Variants in PPP1R12B observed in about 807,000 individuals in gnomAD.
The protein encoded by PPP1R12B is myosin phosphatase target subunit 2.
A neutral mutation model predicts 126.1 loss-of-function variants in PPP1R12B; 76 were observed. The ratio of observed to expected loss-of-function variants is 0.60; its 90% CI spans 0.50 to 0.73. The LOEUF is 0.73. PPP1R12B is among the 30% of genes least tolerant of loss of function. The pLI is 0.00. For missense variants in PPP1R12B, 1,052 were observed against 1,205.1 expected, an observed-to-expected ratio of 0.87 and a Z score of 1.88; for synonymous variants, 356 against 434.7, an observed-to-expected ratio of 0.82 and a Z score of 2.25.
At chr1:202,388,139 A>C (rs2148512360) in intron 1 of PPP1R12B, among the ~76,000 whole-genome samples, 1 of 151,934 alleles carries the variant, frequency 6.6e-6, no homozygotes, top group Non-Finnish European at 1.5e-5. Flanking sequence ...AAAAAAGAGA[A>C]AAAATCACAA....
intron 1 of PPP1R12B, among the ~76,000 whole-genome samples, chr1:202,400,709 T>C (rs568719814): frequency 3.9e-5 from 6 of 152,346 alleles, no homozygotes; most frequent in African/African-American, 1.4e-4. Context: ...TTCCAACTGC[T>C]GTGTCCATAT....
chr1:202,500,238 T>TCTCTCTCTCTCTCA (rs896808664), intron 18 of PPP1R12B, among the ~76,000 whole-genome samples: 8 of 152,044 alleles, frequency 5.3e-5, no homozygotes, highest in African/African-American at 1.9e-4. Context: ...TCTCTCTCTC[T>TCTCTCTCTCTCTCA]CTCTCTCACT....
chr1:202,375,481 C>T (rs766359354), intron 1 of PPP1R12B, among the ~76,000 whole-genome samples: 5 of 152,198 alleles, frequency 3.3e-5, no homozygotes, highest in Non-Finnish European at 7.3e-5. Context: ...TGTCTCTCTT[C>T]TTTGACTACC....
chr1:202,446,732 T>C (rs1428192945), intron 12 of PPP1R12B, among the ~76,000 whole-genome samples: 3 of 151,836 alleles, frequency 2.0e-5, no homozygotes, highest in Non-Finnish European at 2.9e-5. Flanking sequence ...AGTTTGCTCA[T>C]ATGTAACGAT....
rs1387627686 is a variant in PPP1R12B, at chr1:202,438,385, C to A, written c.1458+361C>A. The A allele has an allele frequency of 4.4e-6, 3 of 679,856 alleles. No individual in the cohort carries two copies. The African/African-American group carries it at 5.5e-5, about 12-fold the overall frequency. The allele number at this position is 679,856 out of a possible 1,614,324, so 42.1% of individuals were successfully genotyped here. A position where few individuals can be genotyped will look rare whatever the true frequency, so the allele number is the denominator to read the frequency against. ...TGGATCCAGAGGGCCAATTCCCGTC[C>A]CCCCAGCGGCATGGCTTCGTGTGCT... is the stretch of plus-strand genomic sequence containing the variant. On this transcript the variant is annotated intron_variant, in intron 10 of 23. Transcript: ENST00000608999.
At chr1:202,417,237 A>G in intron 2 of PPP1R12B, 4 of 985,410 alleles carry the variant, frequency 4.1e-6, no homozygotes, top group Non-Finnish European at 4.8e-6. Context: ...GTATACAGGC[A>G]GGCCTGGAGA....
chr1:202,426,915 A>G (rs1401329440), intron 4 of PPP1R12B, 125 bp from the exon 5 acceptor site: 8 of 1,318,582 alleles, frequency 6.1e-6, no homozygotes, highest in Non-Finnish European at 8.2e-6. Context: ...CTTAGAGGGC[A>G]GAAGTAATCA....
chr1:202,475,961 A>C (rs1418309163), intron 13 of PPP1R12B, among the ~76,000 whole-genome samples: 2 of 152,172 alleles, frequency 1.3e-5, no homozygotes, highest in Non-Finnish European at 2.9e-5. Context: ...GCACTTTGAG[A>C]GGCTGAGCCG....
At chr1:202,349,564 A>G (rs1470284420) in intron 1 of PPP1R12B, among the ~76,000 whole-genome samples, 1 of 152,108 alleles carries the variant, frequency 6.6e-6, no homozygotes, top group Non-Finnish European at 1.5e-5. Context: ...AGAATATCTT[A>G]TATCACTTAA....
chr1:202,573,601 T>C (rs1462243424), intron 23 of PPP1R12B, among the ~76,000 whole-genome samples: 1 of 152,136 alleles, frequency 6.6e-6, no homozygotes, highest in Admixed American at 6.5e-5. Flanking sequence ...ATTATTCTCC[T>C]CCCAAAGAGT....
At chr1:202,357,613 A>G (rs1209598606) in intron 1 of PPP1R12B, among the ~76,000 whole-genome samples, 1 of 152,206 alleles carries the variant, frequency 6.6e-6, no homozygotes, top group Non-Finnish European at 1.5e-5. Context: ...AAACCTGATA[A>G]TAGGGGCAAG....
At chr1:202,495,217 AT>A in intron 15 of PPP1R12B, 75 bp from the exon 16 acceptor site, 1 of 1,365,884 alleles carries the variant, frequency 7.3e-7, no homozygotes, top group Non-Finnish European at 9.8e-7. Flanking sequence ...AGAAAAAAAC[AT>A]TTTGTATAAA....
intron 3 of PPP1R12B, among the ~76,000 whole-genome samples, chr1:202,424,206 C>G (rs889223285): frequency 2.0e-5 from 3 of 152,158 alleles, no homozygotes; most frequent in African/African-American, 7.2e-5. Context: ...GTTTAACTTT[C>G]CAGCACTGCT....
rs935273046 is a variant in PPP1R12B, at chr1:202,565,816, A to G, written c.2757+1269A>G. ...AAGTAGGTTTCTAAATCTAAAAGAGAAAAATACACACATAGCTATAGCCCT... is the reference window on the plus strand; with the variant it reads ...AAGTAGGTTTCTAAATCTAAAAGAGGAAAATACACACATAGCTATAGCCCT... On this transcript the variant is annotated intron_variant, in intron 21 of 23. Coordinates refer to ENST00000608999, the MANE Select transcript of PPP1R12B (RefSeq NM_002481.4). The surrounding 1 kb of genome is among the most constrained non-coding windows in gnomAD (Gnocchi z 4.3). Among the ~76,000 whole-genome samples, 3 of 152,188 alleles carry G rather than the reference A, an allele frequency of 2.0e-5. No homozygotes were observed. Among genetic ancestry groups the G allele is most frequent in the Admixed American group, 2.0e-4 (3 of 15,282 alleles).
chr1:202,491,424 C>T (rs1678871531), intron 14 of PPP1R12B, among the ~76,000 whole-genome samples: 1 of 152,162 alleles, frequency 6.6e-6, no homozygotes, highest in South Asian at 2.1e-4. Context: ...GCTGAGATTA[C>T]AGGTGTGAGC....
intron 18 of PPP1R12B, among the ~76,000 whole-genome samples, chr1:202,522,239 A>G (rs1313547437): frequency 6.6e-6 from 1 of 152,210 alleles, no homozygotes; most frequent in Non-Finnish European, 1.5e-5. Flanking sequence ...GTGGAATACT[A>G]AAGCAAAGAG....
intron 13 of PPP1R12B, among the ~76,000 whole-genome samples, chr1:202,454,421 T>C (rs1158939680): frequency 6.6e-6 from 1 of 152,210 alleles, no homozygotes; most frequent in Admixed American, 6.5e-5. Flanking sequence ...CTAGCATTCA[T>C]TCATCTTCAA....
chr1:202,438,983 A>G (rs747073383), intron 10 of PPP1R12B: 22 of 1,511,112 alleles, frequency 1.5e-5, no homozygotes, highest in Non-Finnish European at 1.7e-5. Context: ...GCAGGAGCGC[A>G]TGGCCCTGGC....
At chr1:202,358,934 A>G (rs1173452302) in intron 1 of PPP1R12B, among the ~76,000 whole-genome samples, 1 of 152,164 alleles carries the variant, frequency 6.6e-6, no homozygotes, top group Admixed American at 6.6e-5. Flanking sequence ...GGCATGATAT[A>G]TGTATCTGGT....
Sources: gnomAD v4.1 joint callset for allele counts (sites outside exome capture counted in the v4.1 genomes callset) on GRCh38, gnomAD v4.1.1 for gene constraint, Gnocchi (gnomAD v3.1) non-coding constraint, MANE v1.5 for transcripts, NCBI Gene and HGNC (gene_info 2026-07-23, HGNC 2026-07-21) for gene names.